DDHD1: variants seen among roughly 807,000 people sequenced by gnomAD.
DDHD1 encodes the protein phospholipase DDHD1.
In DDHD1, 49 loss-of-function variants were observed where a neutral mutation model predicts 96.4. That is an observed-to-expected ratio of 0.51 (90% CI 0.40 to 0.64). The LOEUF (loss-of-function observed/expected upper bound fraction) is 0.64, where lower values mean the gene tolerates loss of function less well. DDHD1 is among the 30% of genes least tolerant of loss of function. The pLI, the probability that DDHD1 is intolerant of heterozygous loss-of-function variation, is 0.00. For synonymous variants in DDHD1, 442 were observed against 446.5 expected (o/e 0.99, Z 0.13); for missense variants, 1,106 against 1,161.2 (o/e 0.95, Z 0.69).
chr14:53,057,450 T>C lies in DDHD1; in HGVS notation c.1992+1027A>G, dbSNP rs151063451. ...ATAAACATAATAGAGAATAGAAAAA[T>C]CCAACATCTTACAATTCTATTAGGC... On this transcript the variant is annotated intron_variant, in intron 9 of 12. Transcript: ENST00000673822. 6.0e-4 allele frequency among the ~76,000 whole-genome samples: 92 copies of C among 152,242 alleles called. 1 individual carries two copies. Among genetic ancestry groups the C allele is most frequent in the African/African-American group, 1.9e-3 (78 of 41,558 alleles).
In DDHD1 at chr14:53,079,708, G is replaced by A. The variant is rs138245703; in HGVS notation, c.1290-5861C>T. Among the ~76,000 whole-genome samples, 1,264 of 152,216 alleles carry A rather than the reference G, an allele frequency of 8.3e-3. 9 individuals are homozygous for A. The highest frequency in any genetic ancestry group is 0.011 in the Non-Finnish European group (721 of 68,002). On this transcript the variant is annotated intron_variant, in intron 4 of 12. Transcript: ENST00000673822. Reference sequence around the variant, plus strand: ...TTGTGGATCTTTTCAAAGAACCAGAGTAATACATACAGATCTTCCCTATTT... The same window carrying A: ...TTGTGGATCTTTTCAAAGAACCAGAATAATACATACAGATCTTCCCTATTT...
chr14:53,129,654 T>G (rs1015608758), intron 1 of DDHD1, among the ~76,000 whole-genome samples: 3 of 147,496 alleles, frequency 2.0e-5, no homozygotes, highest in Non-Finnish European at 2.9e-5. Context: ...CTACCCTCTC[T>G]TTTCTCTGGG....
intron 6 of DDHD1, among the ~76,000 whole-genome samples, chr14:53,066,004 C>T (rs547426474): frequency 8.6e-4 from 131 of 152,168 alleles, no homozygotes; most frequent in South Asian, 1.9e-3. Flanking sequence ...TGAATTGTAC[C>T]GGAAACTTTA....
At chr14:53,069,205 G>A (rs1052896707) in intron 6 of DDHD1, among the ~76,000 whole-genome samples, 11 of 152,126 alleles carry the variant, frequency 7.2e-5, no homozygotes, top group African/African-American at 2.7e-4. Context: ...CCATTTTCCT[G>A]AGGAACCCTG....
chr14:53,059,593 C>T lies in DDHD1; in HGVS notation c.1843-967G>A, dbSNP rs1278416043. ...TAAAAATAGTCTGATAGGCTGGGTGCGGTGGCCCACGCCTGTAATCCCAGC... is the reference window on the plus strand; with the variant it reads ...TAAAAATAGTCTGATAGGCTGGGTGTGGTGGCCCACGCCTGTAATCCCAGC... On this transcript the variant is annotated intron_variant, in intron 8 of 12. Transcript: ENST00000673822. Among the ~76,000 whole-genome samples, 13 of 148,258 alleles carry T rather than the reference C, an allele frequency of 8.8e-5. No homozygotes were observed. The East Asian group carries it at 1.7e-3, about 19-fold the overall frequency.
At chr14:53,080,283 C>T (rs963354589) in intron 4 of DDHD1, among the ~76,000 whole-genome samples, 7 of 152,232 alleles carry the variant, frequency 4.6e-5, no homozygotes, top group Admixed American at 4.6e-4. Context: ...ATTGCTTGAA[C>T]CCAGGAGGTG....
Position 53,063,011 on chromosome 14 carries a change from C to T in DDHD1, c.1698G>A (p.Leu566=), listed in dbSNP as rs764872091. ...CATAGCTCATCCATCGTTCATCAGG[C>T]AACTCTTCTTCCTTTTGCAGCAACT... ...YEQLLQKEEE[L]PDERWMSYEE... is the part of the protein sequence containing the mutation. The change falls in exon 7 of 13, where the codon TTG becomes TTA. Residue 566 remains leucine, a synonymous_variant. Coordinates refer to ENST00000673822, the MANE Select transcript of DDHD1 (RefSeq NM_001160148.2). 8 of 1,613,984 alleles carry T rather than the reference C, an allele frequency of 5.0e-6. No homozygotes were observed. The highest frequency in any genetic ancestry group is 2.5e-6 in the Non-Finnish European group (3 of 1,180,006).
At position 53,046,744 on chromosome 14, in the gene DDHD1, G is replaced by A; in HGVS notation, c.*24C>T. ...CGGAAAAAAAAAAAATCAGTTTTAG[G>A]CCATTCATGTCCTTCAAGAGAGTTC... is the stretch of plus-strand genomic sequence containing the variant. On this transcript the variant is annotated 3_prime_UTR_variant, in exon 13 of 13. Coordinates refer to ENST00000673822, the MANE Select transcript of DDHD1 (RefSeq NM_001160148.2). The A allele has an allele frequency of 6.9e-7, 1 of 1,453,846 alleles. No homozygotes were observed. The highest frequency in any genetic ancestry group is 1.4e-5 in the South Asian group (1 of 74,002). The allele number at this position is 1,453,846 out of a possible 1,614,324, so 90.1% of individuals were successfully genotyped here. A position where few individuals can be genotyped will look rare whatever the true frequency, so the allele number is the denominator to read the frequency against.
At chr14:53,139,912 C>T (rs1298580186) in intron 1 of DDHD1, among the ~76,000 whole-genome samples, 1 of 146,680 alleles carries the variant, frequency 6.8e-6, no homozygotes, top group Non-Finnish European at 1.5e-5. Flanking sequence ...TATTAGAAAA[C>T]TTAAAATAAT....
intron 8 of DDHD1, 150 bp from the exon 9 acceptor site, chr14:53,058,776 G>T (rs1472793056): frequency 4.8e-6 from 3 of 628,352 alleles, no homozygotes; most frequent in Non-Finnish European, 5.4e-6. Context: ...GATGGGCTCT[G>T]CCAACCATTA....
At position 53,138,980 on chromosome 14, in the gene DDHD1, T is replaced by C. The variant is rs1890438391; in HGVS notation, c.838+13281A>G. On this transcript the variant is annotated intron_variant, in intron 1 of 12. Transcript: ENST00000673822. The stretch of plus-strand genomic sequence containing the variant: ...CCTTACAAGGTCTTGTCTAGATCCT[T>C]ACTCCCTATCTCACCTAAGGAATGA... 2.0e-5 allele frequency among the ~76,000 whole-genome samples: 3 copies of C among 151,810 alleles called. No individual in the cohort carries two copies. The South Asian group carries it at 6.2e-4, about 32-fold the overall frequency.
intron 1 of DDHD1, among the ~76,000 whole-genome samples, chr14:53,137,785 G>A (rs766152327): frequency 8.5e-5 from 13 of 152,096 alleles, no homozygotes; most frequent in East Asian, 5.8e-4. Context: ...TGATAAACCC[G>A]CAGTTCCCAG....
intron 4 of DDHD1, among the ~76,000 whole-genome samples, chr14:53,077,666 T>G (rs1025487138): frequency 1.3e-4 from 8 of 60,240 alleles, no homozygotes; most frequent in South Asian, 1.8e-3. Flanking sequence ...AGTTTTTGTT[T>G]TTGTTTTTTT....
Position 53,051,909 on chromosome 14 carries a change from G to T in DDHD1, c.2456C>A (p.Ser819Ter). 6.3e-7 allele frequency: 1 copy of T among 1,590,876 alleles called. No homozygotes were observed. Among genetic ancestry groups the T allele is most frequent in the Non-Finnish European group, 8.6e-7 (1 of 1,167,618 alleles). ...LDSAYFRLQESFFNLPQLLFP... is the reference protein window; with the variant it reads ...LDSAYFRLQE ...AAGAAGTTGTGGGAGATTAAAGAAC[G>T]ATTCTTGAAGTCTGAAATCTGTGAA... The change falls in exon 12 of 13, where the codon TCG (serine) becomes TAG (stop). Residue 819 changes from serine to a stop codon, truncating the protein, a stop_gained. Coordinates refer to ENST00000673822, the MANE Select transcript of DDHD1 (RefSeq NM_001160148.2). LOFTEE classifies it high-confidence loss of function.
At chr14:53,073,332 C>T (rs1884681733) in intron 5 of DDHD1, among the ~76,000 whole-genome samples, 1 of 151,882 alleles carries the variant, frequency 6.6e-6, no homozygotes, top group Admixed American at 6.6e-5. Flanking sequence ...AGATTTTTAT[C>T]TTCCGATTAT....
At chr14:53,149,597 CT>C (rs1479190879) in intron 1 of DDHD1, among the ~76,000 whole-genome samples, 7 of 152,162 alleles carry the variant, frequency 4.6e-5, no homozygotes, top group African/African-American at 1.4e-4. Context: ...AAAAGCACTA[CT>C]GTGTTTTTAT....
At chr14:53,051,006 A>C (rs552215795) in intron 12 of DDHD1, among the ~76,000 whole-genome samples, 3 of 152,094 alleles carry the variant, frequency 2.0e-5, no homozygotes, top group African/African-American at 7.2e-5. Context: ...ATAATTTCTT[A>C]AGGGGAATTC....
intron 4 of DDHD1, among the ~76,000 whole-genome samples, chr14:53,088,170 ATAAT>A (rs1258408686): frequency 6.6e-6 from 1 of 152,166 alleles, no homozygotes; most frequent in Non-Finnish European, 1.5e-5. Context: ...AATTAAGGCA[ATAAT>A]TAATAACCTA....
chr14:53,065,344 A>G (rs1883931208), intron 6 of DDHD1, among the ~76,000 whole-genome samples: 1 of 152,192 alleles, frequency 6.6e-6, no homozygotes, highest in South Asian at 2.1e-4. Flanking sequence ...TATATCAATT[A>G]AATAATTCAA....
Sources: gnomAD v4.1 joint callset for allele counts (sites outside exome capture counted in the v4.1 genomes callset) on GRCh38, gnomAD v4.1.1 for gene constraint, MANE v1.5 for transcripts, NCBI Gene and HGNC (gene_info 2026-07-23, HGNC 2026-07-21) for gene names.